The following DLG1 variants were observed in gnomAD, a reference collection of about 807,000 sequenced individuals.
The protein encoded by DLG1 is disks large homolog 1.
In DLG1, 42 loss-of-function variants were observed where a neutral mutation model predicts 123.4. The observed-to-expected ratio is 0.34, with a 90% CI of 0.27 to 0.44. The LOEUF (loss-of-function observed/expected upper bound fraction) is 0.44, where lower values mean the gene tolerates loss of function less well. Ranked by LOEUF, DLG1 falls within the 20% of genes least tolerant of loss-of-function variation. The pLI is 1.00. For synonymous variants in DLG1, 317 were observed against 356.2 expected, an observed-to-expected ratio of 0.89 and a Z score of 1.24; for missense variants, 942 against 1,082.6, an observed-to-expected ratio of 0.87 and a Z score of 1.82.
intron 14 of DLG1, among the ~76,000 whole-genome samples, chr3:197,092,583 C>A (rs2149193732): frequency 6.6e-6 from 1 of 152,316 alleles, no homozygotes; most frequent in South Asian, 2.1e-4. Context: ...TCACTGCAGG[C>A]TTGAGCTCCT....
At chr3:197,122,403 A>G (rs752144988) in intron 11 of DLG1, among the ~76,000 whole-genome samples, 2 of 152,092 alleles carry the variant, frequency 1.3e-5, no homozygotes, top group African/African-American at 2.4e-5. Flanking sequence ...CATGACAGTG[A>G]TATTTATTAT....
intron 16 of DLG1, among the ~76,000 whole-genome samples, chr3:197,081,576 C>A (rs1347348328): frequency 6.6e-6 from 1 of 152,028 alleles, no homozygotes; most frequent in Non-Finnish European, 1.5e-5. Flanking sequence ...TTTGTACTTA[C>A]TTTTCTATAG....
chr3:197,083,285 G>A (rs187492485), intron 16 of DLG1, among the ~76,000 whole-genome samples: 202 of 152,198 alleles, frequency 1.3e-3, no homozygotes, highest in African/African-American at 4.6e-3. Flanking sequence ...AAATAGTTAC[G>A]AAATAGGTAT....
chr3:197,117,650 A>G (rs1334254697), intron 12 of DLG1, among the ~76,000 whole-genome samples: 2 of 152,184 alleles, frequency 1.3e-5, no homozygotes, highest in South Asian at 2.1e-4. Flanking sequence ...AAAGTAGATT[A>G]AAGGTTACCA....
intron 5 of DLG1, among the ~76,000 whole-genome samples, chr3:197,162,817 T>C (rs1479876770): frequency 1.3e-5 from 2 of 152,140 alleles, no homozygotes; most frequent in African/African-American, 4.8e-5. Flanking sequence ...AATGGAACCT[T>C]AGAAATCATA....
intron 8 of DLG1, 65 bp downstream of exon 8, chr3:197,140,075 C>T: frequency 1.3e-6 from 2 of 1,560,212 alleles, no homozygotes; most frequent in South Asian, 2.4e-5. Context: ...TATCCCTTAT[C>T]CAGTCTGCTT....
chr3:197,205,761 T>C (rs1728191041), intron 4 of DLG1, among the ~76,000 whole-genome samples: 1 of 152,226 alleles, frequency 6.6e-6, no homozygotes, highest in African/African-American at 2.4e-5. Context: ...ACCCACATTT[T>C]TGTAGTTCTG....
At chr3:197,123,350 C>T (rs2149467053) in intron 11 of DLG1, among the ~76,000 whole-genome samples, 1 of 152,264 alleles carries the variant, frequency 6.6e-6, no homozygotes, top group East Asian at 1.9e-4. Context: ...AAGACATCTG[C>T]AACAGATGTA....
chr3:197,070,925 C>T (rs187994113), intron 18 of DLG1: 74 of 152,192 alleles, frequency 4.9e-4, no homozygotes, highest in African/African-American at 1.7e-3. Context: ...CATGTCACCA[C>T]ATGGGCTTGA....
chr3:197,192,612 A>T (rs1322743179), intron 5 of DLG1, among the ~76,000 whole-genome samples: 1 of 152,092 alleles, frequency 6.6e-6, no homozygotes, highest in Non-Finnish European at 1.5e-5. Flanking sequence ...GGAGGATCAG[A>T]TTACTTATAC....
At chr3:197,251,645 C>A (rs1272509674) in intron 4 of DLG1, among the ~76,000 whole-genome samples, 1 of 151,898 alleles carries the variant, frequency 6.6e-6, no homozygotes, top group African/African-American at 2.4e-5. Flanking sequence ...CACAGGCAAC[C>A]AAAGCTAAAA....
At chr3:197,160,142 G>A (rs1045644734) in intron 5 of DLG1, among the ~76,000 whole-genome samples, 3 of 152,122 alleles carry the variant, frequency 2.0e-5, no homozygotes, top group Admixed American at 6.6e-5. Context: ...ACTTTAAAAC[G>A]TGTATTTTTA....
chr3:197,124,498 T>C (rs529885347), intron 11 of DLG1, among the ~76,000 whole-genome samples: 3 of 152,046 alleles, frequency 2.0e-5, no homozygotes, highest in Non-Finnish European at 4.4e-5. Flanking sequence ...ATGGTCTTGA[T>C]CTGCTGACCT....
At chr3:197,075,818 G>T in intron 18 of DLG1, 1 of 1,609,214 alleles carries the variant, frequency 6.2e-7, no homozygotes, top group South Asian at 1.1e-5. Flanking sequence ...AATAACTTGG[G>T]AGTATTTTGA....
At chr3:197,063,071 C>T (rs899490945) in intron 22 of DLG1, among the ~76,000 whole-genome samples, 1 of 151,856 alleles carries the variant, frequency 6.6e-6, no homozygotes, top group Non-Finnish European at 1.5e-5. Context: ...ATTTTGTTTA[C>T]AGATCTGTCT....
intron 5 of DLG1, among the ~76,000 whole-genome samples, chr3:197,165,887 T>C (rs764380013): frequency 2.0e-5 from 3 of 152,144 alleles, no homozygotes; most frequent in African/African-American, 4.8e-5. Context: ...TTGAGAGAAG[T>C]AAACAATATA....
chr3:197,153,715 T>C (rs1481423226), intron 5 of DLG1, among the ~76,000 whole-genome samples: 1 of 152,162 alleles, frequency 6.6e-6, no homozygotes, highest in Non-Finnish European at 1.5e-5. Flanking sequence ...CATTGAAGAC[T>C]AGGACATTAA....
intron 4 of DLG1, among the ~76,000 whole-genome samples, chr3:197,223,634 T>C (rs1046721863): frequency 6.6e-6 from 1 of 152,220 alleles, no homozygotes; most frequent in Non-Finnish European, 1.5e-5. Flanking sequence ...TAATTGACAT[T>C]AGAAGTACTG....
At chr3:197,265,221 CT>C (rs1199711841) in intron 4 of DLG1, among the ~76,000 whole-genome samples, 1 of 152,118 alleles carries the variant, frequency 6.6e-6, no homozygotes, top group African/African-American at 2.4e-5. Flanking sequence ...AAATATAAGC[CT>C]TTTGGGATGG....
Sources: gnomAD v4.1 joint callset for allele counts (sites outside exome capture counted in the v4.1 genomes callset) on GRCh38, gnomAD v4.1.1 for gene constraint, MANE v1.5 for transcripts, NCBI Gene and HGNC (gene_info 2026-07-23, HGNC 2026-07-21) for gene names.